The following PCM1 variants were observed in gnomAD, a reference collection of about 807,000 sequenced individuals.
PCM1 encodes pericentriolar material 1, also known as pericentriolar material 1 protein.
PCM1 carries 157 observed loss-of-function variants against 241.9 expected under a neutral mutation model. That is an observed-to-expected ratio of 0.65 (90% CI 0.57 to 0.74). PCM1 has a LOEUF of 0.74. Among genes scored for constraint, PCM1 ranks in the 30% least tolerant of loss-of-function variants. The probability of loss-of-function intolerance (pLI) is 0.00; values close to 1 mark genes in which losing one functional copy is unlikely to be tolerated. For synonymous variants in PCM1, 1,085 were observed against 784.9 expected (o/e 1.38, Z -6.39); for missense variants, 3,478 against 2,360.1 (o/e 1.47, Z -9.81).
intron 21 of PCM1, 101 bp downstream of exon 21, chr8:17,967,271 G>C: frequency 2.5e-6 from 2 of 798,876 alleles, no homozygotes. Flanking sequence ...TTTTGGAGTG[G>C]GGTAGGAAAT....
intron 29 of PCM1, among the ~76,000 whole-genome samples, chr8:17,999,626 G>C (rs1301830039): frequency 6.6e-6 from 1 of 152,112 alleles, no homozygotes; most frequent in Non-Finnish European, 1.5e-5. Context: ...CCTGGGGTTG[G>C]GGGAGGGGTG....
chr8:18,023,928 G>T (rs2093961514), intron 36 of PCM1, among the ~76,000 whole-genome samples: 1 of 152,150 alleles, frequency 6.6e-6, no homozygotes, highest in Admixed American at 6.5e-5. Flanking sequence ...TGTCAGTAGT[G>T]GTTACAGGAT....
At chr8:17,969,809 A>C (rs532158940) in intron 22 of PCM1, 61 bp downstream of exon 22, 2 of 1,247,550 alleles carry the variant, frequency 1.6e-6, no homozygotes, top group Non-Finnish European at 2.3e-6. Context: ...ACATCTAATT[A>C]TGTGTAATTT....
intron 22 of PCM1, 53 bp downstream of exon 22, chr8:17,969,801 A>G (rs1322934074): frequency 1.5e-6 from 2 of 1,323,182 alleles, no homozygotes; most frequent in Non-Finnish European, 1.1e-6. Flanking sequence ...TTGTGATTAC[A>G]TCTAATTATG....
intron 10 of PCM1, chr8:17,956,052 A>C: frequency 4.2e-6 from 1 of 240,608 alleles, no homozygotes. Flanking sequence ...CAAAATAGGG[A>C]TGATAATATA....
chr8:17,934,701 T>C (rs1047264869), intron 2 of PCM1: 7 of 152,332 alleles, frequency 4.6e-5, no homozygotes, highest in Admixed American at 1.3e-4. Flanking sequence ...CCTCTCCTCT[T>C]TCAGCTAGCA....
intron 15 of PCM1, among the ~76,000 whole-genome samples, chr8:17,960,771 G>A (rs1251299992): frequency 3.3e-5 from 5 of 151,890 alleles, no homozygotes; most frequent in East Asian, 3.9e-4. Context: ...TGATTCGCCC[G>A]TCTCAGCCTC....
chr8:17,983,645 T>G (rs1009777494), intron 24 of PCM1, among the ~76,000 whole-genome samples: 3 of 152,166 alleles, frequency 2.0e-5, no homozygotes, highest in African/African-American at 7.2e-5. Context: ...AGTTTATCTT[T>G]CCATTTCAGT....
intron 15 of PCM1, among the ~76,000 whole-genome samples, chr8:17,961,682 C>G (rs1421855502): frequency 2.6e-5 from 4 of 152,194 alleles, no homozygotes; most frequent in African/African-American, 9.6e-5. Flanking sequence ...TGTTCATTTT[C>G]TAAACCCTTG....
chr8:17,962,011 G>A (rs751880020), intron 15 of PCM1, 23 bp from the exon 16 acceptor site: 16 of 1,592,098 alleles, frequency 1.0e-5, no homozygotes, highest in South Asian at 6.8e-5. Context: ...TCCTCATAAC[G>A]TTTTTTGTGA....
chr8:17,972,922 C>G (rs551285525), intron 23 of PCM1, among the ~76,000 whole-genome samples: 144 of 151,818 alleles, frequency 9.5e-4, no homozygotes, highest in Non-Finnish European at 1.9e-3. Flanking sequence ...ATTTTTTGTA[C>G]TTCTTAAAGC....
chr8:18,006,862 C>T (rs1268281682), intron 30 of PCM1, among the ~76,000 whole-genome samples: 1 of 152,136 alleles, frequency 6.6e-6, no homozygotes, highest in Admixed American at 6.5e-5. Context: ...TTCTAGGAGA[C>T]ATTTAGCAGT....
At chr8:17,961,938 A>G (rs1399905054) in intron 15 of PCM1, 96 bp from the exon 16 acceptor site, 1 of 993,916 alleles carries the variant, frequency 1.0e-6, no homozygotes, top group African/African-American at 1.6e-5. Flanking sequence ...TAAATATGGC[A>G]CTAGAGCCTT....
intron 2 of PCM1, chr8:17,926,610 A>G (rs1402975421): frequency 6.6e-6 from 1 of 152,224 alleles, no homozygotes; most frequent in Non-Finnish European, 1.5e-5. Context: ...GAAAACAGAC[A>G]GTGGAGTTTA....
At chr8:17,945,236 C>A (rs1334396790) in intron 6 of PCM1, among the ~76,000 whole-genome samples, 7 of 152,040 alleles carry the variant, frequency 4.6e-5, no homozygotes, top group Admixed American at 1.3e-4. Context: ...ATAAGCCAGA[C>A]TAGGATGAAT....
chr8:17,994,820 T>C (rs2086058377), intron 29 of PCM1, among the ~76,000 whole-genome samples: 4 of 151,510 alleles, frequency 2.6e-5, no homozygotes, highest in Admixed American at 2.6e-4. Context: ...TGTTTGCCAT[T>C]TGTATGTCGT....
Position 18,014,612 on chromosome 8 carries a change from C to T in PCM1, c.5613C>T (p.Pro1871=). The T allele has an allele frequency of 6.2e-7, 1 of 1,611,388 alleles. No homozygotes were observed. The highest frequency in any genetic ancestry group is 1.3e-5 in the African/African-American group (1 of 74,998). The change falls in exon 36 of 39, where the codon CCC becomes CCT. Residue 1871 remains proline, a synonymous_variant. Transcript: ENST00000325083. The part of the protein sequence containing the change: ...KNDQNNCPVK[P]CYLNILEDEQ... ...ACCAAAATAACTGTCCTGTGAAACC[C>T]TGTTACCTCAATATCTTGGAAGATG... is the stretch of plus-strand genomic sequence containing the variant.
intron 29 of PCM1, among the ~76,000 whole-genome samples, chr8:18,001,057 G>A (rs553424594): frequency 6.6e-6 from 1 of 152,288 alleles, no homozygotes; most frequent in South Asian, 2.1e-4. Context: ...TAAAGCCAGG[G>A]CATTTGATTT....
rs549034034 is a variant in PCM1, at chr8:18,003,255, A to G, written c.4828-3008A>G. On this transcript the variant is annotated intron_variant, in intron 29 of 38. Coordinates refer to ENST00000325083, the MANE Select transcript of PCM1 (RefSeq NM_006197.4). ...GTAAACATTAATGAATTAATAAATG[A>G]CTGGAATCTTCAACCCTCAACTGTA... is the stretch of plus-strand genomic sequence containing the variant. Among the ~76,000 whole-genome samples, 9 of 152,330 alleles carry G rather than the reference A, an allele frequency of 5.9e-5. No homozygotes were observed. The South Asian group carries it at 1.9e-3, about 32-fold the overall frequency.
Sources: gnomAD v4.1 joint callset for allele counts (sites outside exome capture counted in the v4.1 genomes callset) on GRCh38, gnomAD v4.1.1 for gene constraint, MANE v1.5 for transcripts, NCBI Gene and HGNC (gene_info 2026-07-23, HGNC 2026-07-21) for gene names.